Variants in USP43 observed in about 807,000 individuals in gnomAD.
USP43 encodes the protein ubiquitin specific peptidase 43.
In USP43, 33 loss-of-function variants were observed where a neutral mutation model predicts 90.7. The ratio of observed to expected loss-of-function variants is 0.36; its 90% CI spans 0.28 to 0.49. USP43 has a LOEUF of 0.49. USP43 is among the 20% of genes least tolerant of loss of function. USP43 has a pLI of 0.98. For synonymous variants in USP43, 598 were observed against 615.8 expected, an observed-to-expected ratio of 0.97 and a Z score of 0.43; for missense variants, 1,274 against 1,476.4, an observed-to-expected ratio of 0.86 and a Z score of 2.25.
intron 14 of USP43, among the ~76,000 whole-genome samples, chr17:9,714,092 A>G (rs1183631656): frequency 6.6e-6 from 1 of 152,140 alleles, no homozygotes; most frequent in East Asian, 1.9e-4. Context: ...TCCTATGAGA[A>G]TCTAATACGC....
Position 9,728,550 on chromosome 17 carries a change from A to G in USP43, c.2932A>G (p.Ser978Gly). The G allele has an allele frequency of 6.2e-7, 1 of 1,614,030 alleles. No homozygotes were observed. The highest frequency in any genetic ancestry group is 8.5e-7 in the Non-Finnish European group (1 of 1,179,896). Residue 978 changes from serine to glycine, a missense_variant, in exon 15 of 15, where the codon AGC becomes GGC. Physicochemically the swap from Ser to Gly is moderately conservative, Grantham distance 56. Coordinates refer to ENST00000285199, the MANE Select transcript of USP43 (RefSeq NM_153210.5). The surrounding 1 kb of genome is among the most constrained non-coding windows in gnomAD (Gnocchi z 6.2). ...CCCCTATATGGGATTCTCTGGAAACAGCAAAGACAGTCGCCGAGGCACCTC... is the reference window on the plus strand; with the variant it reads ...CCCCTATATGGGATTCTCTGGAAACGGCAAAGACAGTCGCCGAGGCACCTC... Reference protein sequence around the residue: ...PSPYMGFSGNSKDSRRGTSEL... With the variant: ...PSPYMGFSGNGKDSRRGTSEL...
chr17:9,651,174 G>A (rs955654934), intron 1 of USP43, among the ~76,000 whole-genome samples: 27 of 151,310 alleles, frequency 1.8e-4, no homozygotes, highest in Admixed American at 1.8e-3. Context: ...GCTGTTTGAT[G>A]TTTTTTTTGT....
chr17:9,679,295 G>A (rs186460160), intron 5 of USP43, among the ~76,000 whole-genome samples: 19 of 151,992 alleles, frequency 1.3e-4, no homozygotes, highest in African/African-American at 3.9e-4. Flanking sequence ...TTGAACTCCT[G>A]GGCTCAAGGG....
intron 14 of USP43, 101 bp downstream of exon 14, chr17:9,712,233 G>C: frequency 1.5e-6 from 2 of 1,345,692 alleles, no homozygotes; most frequent in Non-Finnish European, 2.0e-6. Context: ...TGAATGGAAA[G>C]GGTCCATCAT....
chr17:9,711,814 C>T (rs577598322), intron 13 of USP43, among the ~76,000 whole-genome samples, 154 bp from the exon 14 acceptor site: 2 of 152,318 alleles, frequency 1.3e-5, no homozygotes, highest in East Asian at 3.9e-4. Flanking sequence ...GGTTTCCCCT[C>T]TCCTTGTTGA....
chr17:9,729,530 A>G lies in USP43; in HGVS notation c.*540A>G, dbSNP rs1917480578. The stretch of plus-strand genomic sequence containing the variant: ...TCTAGCAAAGAGAGATGGGAGATAA[A>G]TGGCTGAGAGTTCAGGTGAATATTT... On this transcript the variant is annotated 3_prime_UTR_variant, in exon 15 of 15. Coordinates refer to ENST00000285199, the MANE Select transcript of USP43 (RefSeq NM_153210.5). The G allele has an allele frequency of 6.6e-6, 1 of 151,920 alleles. No homozygotes were observed. Among genetic ancestry groups the G allele is most frequent in the Non-Finnish European group, 1.5e-5 (1 of 67,970 alleles). 9.4% of individuals were successfully genotyped at this position (151,920 alleles called of 1,614,324 possible).
At chr17:9,653,595 G>GA (rs59946486) in intron 1 of USP43, among the ~76,000 whole-genome samples, 11,350 of 135,446 alleles carry the variant, frequency 0.084, 853 homozygotes, top group African/African-American at 0.2. Context: ...TTCAAAAAAA[G>GA]AAAAAAAAAA....
chr17:9,715,775 ATGTG>A (rs368425387), intron 14 of USP43, among the ~76,000 whole-genome samples: 6 of 62,420 alleles, frequency 9.6e-5, no homozygotes, highest in African/African-American at 5.5e-4. Flanking sequence ...GTTTGTGTCT[ATGTG>A]TGTGTCTCTG....
rs1915533200 is a variant in USP43, at chr17:9,701,025, T to A, written c.1536-94T>A. ...GGGCACGGTAGTGTGGCCTGGCCAA[T>A]GTCTGCTGACGGGTTTGCTGTGAGT... On this transcript the variant is annotated intron_variant, in intron 10 of 14. Transcript: ENST00000285199. The surrounding 1 kb of genome is among the most constrained non-coding windows in gnomAD (Gnocchi z 7.2). The A allele has an allele frequency of 1.4e-6, 2 of 1,389,348 alleles. No individual in the cohort carries two copies. Among genetic ancestry groups the A allele is most frequent in the East Asian group, 5.3e-5 (2 of 37,980 alleles). The allele number at this position is 1,389,348 out of a possible 1,614,324, so 86.1% of individuals were successfully genotyped here.
chr17:9,680,179 T>G (rs964869300), intron 5 of USP43, 52 bp from the exon 6 acceptor site: 3 of 1,595,268 alleles, frequency 1.9e-6, no homozygotes, highest in African/African-American at 2.7e-5. Flanking sequence ...ATTTCTTATC[T>G]GTTGATTTCT....
At chr17:9,703,599 C>G (rs375626254) in intron 12 of USP43, among the ~76,000 whole-genome samples, 2 of 152,292 alleles carry the variant, frequency 1.3e-5, no homozygotes, top group African/African-American at 4.8e-5. Flanking sequence ...ATACTAAAAG[C>G]AAAGGGAGAG....
intron 2 of USP43, among the ~76,000 whole-genome samples, chr17:9,661,337 CTT>C (rs1038032151): frequency 6.6e-6 from 1 of 152,036 alleles, no homozygotes; most frequent in Non-Finnish European, 1.5e-5. Context: ...CATGTCATCT[CTT>C]GGGATTTTGT....
At chr17:9,680,084 C>T in intron 5 of USP43, 147 bp from the exon 6 acceptor site, 4 of 601,118 alleles carry the variant, frequency 6.7e-6, no homozygotes, top group Non-Finnish European at 1.1e-5. Flanking sequence ...ATGGTTGTAT[C>T]TACTATGCTG....
intron 3 of USP43, among the ~76,000 whole-genome samples, chr17:9,672,959 C>A (rs1027134441): frequency 6.6e-6 from 1 of 152,190 alleles, no homozygotes; most frequent in African/African-American, 2.4e-5. Flanking sequence ...CGGGCACTTT[C>A]CACAAGGACT....
At chr17:9,727,591 G>A (rs1413442731) in intron 14 of USP43, among the ~76,000 whole-genome samples, 1 of 151,984 alleles carries the variant, frequency 6.6e-6, no homozygotes, top group Non-Finnish European at 1.5e-5. Flanking sequence ...TAGAAAAGCA[G>A]GAACTTTTGC....
At chr17:9,722,880 AT>A (rs1469144972) in intron 14 of USP43, among the ~76,000 whole-genome samples, 64 of 152,128 alleles carry the variant, frequency 4.2e-4, no homozygotes, top group Non-Finnish European at 7.5e-4. Context: ...ACTTAGCTTT[AT>A]GTGACACATT....
At chr17:9,658,440 G>GCTAA (rs1912415548) in intron 2 of USP43, among the ~76,000 whole-genome samples, 1 of 152,156 alleles carries the variant, frequency 6.6e-6, no homozygotes, top group Admixed American at 6.5e-5. Flanking sequence ...AAGCCGCACA[G>GCTAA]CTAAGTAAAG....
At position 9,701,275 on chromosome 17, in the gene USP43, G is replaced by A. The variant is rs764760569; in HGVS notation, c.1662+30G>A. Reference sequence around the variant, plus strand: ...CGCCCTGGGGGTCCATGCCCCGGCCGGGAAGGGGGCTGGCTGCCTTTGGTG... The same window carrying A: ...CGCCCTGGGGGTCCATGCCCCGGCCAGGAAGGGGGCTGGCTGCCTTTGGTG... On this transcript the variant is annotated intron_variant, in intron 11 of 14. Transcript: ENST00000285199. This position sits in a 1 kb window ranked among gnomAD's most constrained non-coding sequence, Gnocchi z 7.2. 1.1e-5 allele frequency: 17 copies of A among 1,599,802 alleles called. No individual in the cohort carries two copies. Among genetic ancestry groups the A allele is most frequent in the African/African-American group, 1.3e-5 (1 of 74,718 alleles).
chr17:9,710,062 C>A lies in USP43; in HGVS notation c.2118C>A (p.Phe706Leu), dbSNP rs775446277. Residue 706 changes from phenylalanine (F) to leucine (L), a missense_variant, in exon 13 of 15, where the codon TTC (phenylalanine) becomes TTA (leucine). By Grantham distance (22) the Phe-to-Leu change is conservative. Coordinates refer to ENST00000285199, the MANE Select transcript of USP43 (RefSeq NM_153210.5). ...EVNTRGAYILFYQKRNSIPPW... is the reference protein window; with the variant it reads ...EVNTRGAYILLYQKRNSIPPW... ...ACACCAGAGGGGCTTATATCCTGTTCTATCAGAAGCGGAACAGCATCCCTC... is the reference window on the plus strand; with the variant it reads ...ACACCAGAGGGGCTTATATCCTGTTATATCAGAAGCGGAACAGCATCCCTC... The A allele has an allele frequency of 5.8e-6, 9 of 1,562,712 alleles. No homozygotes were observed. Among genetic ancestry groups the A allele is most frequent in the Non-Finnish European group, 6.9e-6 (8 of 1,154,114 alleles).
Sources: allele counts gnomAD v4.1 joint callset (sites outside exome capture counted in the v4.1 genomes callset), GRCh38; gene constraint gnomAD v4.1.1; non-coding constraint Gnocchi (gnomAD v3.1); transcripts MANE v1.5; gene names NCBI Gene and HGNC (gene_info 2026-07-23, HGNC 2026-07-21).